The following PRRC2C variants were observed in gnomAD, a reference collection of about 807,000 sequenced individuals.
The protein encoded by PRRC2C is proline rich coiled-coil 2C, also known as protein PRRC2C.
A neutral mutation model predicts 317.2 loss-of-function variants in PRRC2C; 72 were observed. That is an observed-to-expected ratio of 0.23 (90% CI 0.19 to 0.28). PRRC2C has a LOEUF of 0.28. PRRC2C is among the 10% of genes least tolerant of loss of function. The pLI is 1.00. For synonymous variants in PRRC2C, 1,296 were observed against 1,205.9 expected, an observed-to-expected ratio of 1.07 and a Z score of -1.55; for missense variants, 3,074 against 3,459.7, an observed-to-expected ratio of 0.89 and a Z score of 2.80.
chr1:171,503,454 G>A (rs1669558359), intron 1 of PRRC2C, among the ~76,000 whole-genome samples: 1 of 151,932 alleles, frequency 6.6e-6, no homozygotes, highest in Non-Finnish European at 1.5e-5. Context: ...AACCCGGGAG[G>A]CGGAGGTTGC....
At chr1:171,525,049 A>G (rs1253800184) in intron 10 of PRRC2C, 84 bp downstream of exon 10, 12 of 1,145,638 alleles carry the variant, frequency 1.0e-5, no homozygotes, top group Non-Finnish European at 1.4e-5. Context: ...AATTATTCTT[A>G]CCACAGAGTG....
In PRRC2C at chr1:171,512,825, CTG is replaced by C. The variant is rs1168120175; in HGVS notation, c.113-169_113-168del. 1.9e-5 allele frequency: 11 copies of C among 569,408 alleles called. No individual in the cohort carries two copies. The African/African-American group carries it at 2.1e-4, about 11-fold the overall frequency. 35.3% of individuals were successfully genotyped at this position (569,408 alleles called of 1,614,324 possible). ...GCTGTTAAATGGCTTGATTTCTACA[CTG>C]AAATGTGTTGCAGGTGTGTAGCTTA... is the stretch of plus-strand genomic sequence containing the variant. On this transcript the variant is annotated intron_variant, in intron 2 of 34. Transcript: ENST00000647382.
Position 171,584,155 on chromosome 1 carries a change from G to C in PRRC2C, c.7609G>C (p.Gly2537Arg). 1 of 1,613,798 alleles carries C rather than the reference G, an allele frequency of 6.2e-7. No individual in the cohort carries two copies. Among genetic ancestry groups the C allele is most frequent in the Non-Finnish European group, 8.5e-7 (1 of 1,179,732 alleles). The part of the protein sequence containing the change: ...HQLGQASGLG[G>R]SQLIDTHLLQ... ...ACTGGGGCAGGCATCAGGACTAGGA[G>C]GTTCCCAGCTGATTGACACACATCT... Residue 2537 changes from glycine (G) to arginine (R), a missense_variant, in exon 29 of 35, where the codon GGT becomes CGT. Gly to Arg is a moderately radical substitution (Grantham distance 125). This residue lies in a region of PRRC2C where 490 missense variants were observed against 663.1 expected (regional missense o/e 0.74). Transcript: ENST00000647382.
chr1:171,547,668 C>T (rs1679406170), intron 17 of PRRC2C, among the ~76,000 whole-genome samples: 2 of 118,650 alleles, frequency 1.7e-5, no homozygotes, highest in Admixed American at 2.1e-4. Context: ...TTTTGAGACA[C>T]AGTCTTGCTC....
chr1:171,518,188 G>C (rs976745039), intron 6 of PRRC2C, among the ~76,000 whole-genome samples: 1 of 152,146 alleles, frequency 6.6e-6, no homozygotes, highest in Admixed American at 6.5e-5. Context: ...ATAATTATTA[G>C]ACCCATAGAT....
intron 1 of PRRC2C, among the ~76,000 whole-genome samples, chr1:171,488,942 TAAAAA>T (rs913297288): frequency 6.6e-6 from 1 of 152,280 alleles, no homozygotes; most frequent in East Asian, 1.9e-4. Flanking sequence ...CGTCTAGTAT[TAAAAA>T]AACTATTGGG....
Position 171,564,259 on chromosome 1 carries a change from A to G in PRRC2C, c.6118-1974A>G, listed in dbSNP as rs200068791. On this transcript the variant is annotated intron_variant, in intron 20 of 34. Coordinates refer to ENST00000647382, the MANE Select transcript of PRRC2C (RefSeq NM_001387844.1). ...CACCAACTAGCCTTACAAAGACTTG[A>G]TATTATAATATTGTCTAAGCTTTTA... Among the ~76,000 whole-genome samples, 3 of 152,258 alleles carry G rather than the reference A, an allele frequency of 2.0e-5. No individual in the cohort carries two copies. In the East Asian group the frequency reaches 5.8e-4, roughly 29 times the overall value.
chr1:171,486,853 C>T (rs1666224134), intron 1 of PRRC2C, among the ~76,000 whole-genome samples: 2 of 152,170 alleles, frequency 1.3e-5, no homozygotes, highest in Admixed American at 1.3e-4. Context: ...TTTTTCAAAA[C>T]TAGATTTCAC....
At chr1:171,507,483 C>A (rs574133300) in intron 1 of PRRC2C, among the ~76,000 whole-genome samples, 1 of 152,058 alleles carries the variant, frequency 6.6e-6, no homozygotes, top group African/African-American at 2.4e-5. Context: ...TGGTGGCAGA[C>A]GCCCGTAGTC....
chr1:171,545,438 G>C, intron 16 of PRRC2C, 41 bp from the exon 17 acceptor site: 1 of 1,503,692 alleles, frequency 6.7e-7, no homozygotes, highest in South Asian at 1.2e-5. Flanking sequence ...CTTTTGTTTG[G>C]GTAGGTGGAA....
chr1:171,486,205 T>G (rs987975028), intron 1 of PRRC2C, among the ~76,000 whole-genome samples: 1 of 146,372 alleles, frequency 6.8e-6, no homozygotes, highest in Non-Finnish European at 1.5e-5. Flanking sequence ...TCCTGTGTAG[T>G]GAGGGTGGGA....
At position 171,565,128 on chromosome 1, in the gene PRRC2C, G is replaced by C. The variant is rs745710194; in HGVS notation, c.6118-1105G>C. On this transcript the variant is annotated intron_variant, in intron 20 of 34. Transcript: ENST00000647382. ...CCTAGGTCACCTAATCTGCTTGTCTGTTTCTACAACTGTTCCCCATACCTG... is the reference window on the plus strand; with the variant it reads ...CCTAGGTCACCTAATCTGCTTGTCTCTTTCTACAACTGTTCCCCATACCTG... 2.0e-5 allele frequency among the ~76,000 whole-genome samples: 3 copies of C among 152,110 alleles called. 1 individual carries two copies. Among genetic ancestry groups the C allele is most frequent in the Non-Finnish European group, 4.4e-5 (3 of 68,012 alleles).
chr1:171,549,092 A>G (rs1339451525), intron 17 of PRRC2C, among the ~76,000 whole-genome samples: 2 of 152,236 alleles, frequency 1.3e-5, no homozygotes, highest in African/African-American at 4.8e-5. Flanking sequence ...ACTGTAGACA[A>G]GGGTCTACAT....
At chr1:171,583,073 A>C (rs1164526555) in intron 28 of PRRC2C, among the ~76,000 whole-genome samples, 2 of 152,066 alleles carry the variant, frequency 1.3e-5, no homozygotes, top group Non-Finnish European at 2.9e-5. Flanking sequence ...TCCTGAGCTC[A>C]AGCCATTGTC....
Position 171,532,972 on chromosome 1 carries a change from A to G in PRRC2C, c.1873+11A>G. ...ACAGCTGTAATAAAGGTTTGATAGT[A>G]TTCTTCATTCTCTTTTAAAAACTTT... On this transcript the variant is annotated intron_variant, in intron 12 of 34. Coordinates refer to ENST00000647382, the MANE Select transcript of PRRC2C (RefSeq NM_001387844.1). 1.3e-6 allele frequency: 2 copies of G among 1,521,092 alleles called. No homozygotes were observed. The highest frequency in any genetic ancestry group is 1.7e-6 in the Non-Finnish European group (2 of 1,144,266). 94.2% of individuals were successfully genotyped at this position (1,521,092 alleles called of 1,614,324 possible). A position where few individuals can be genotyped will look rare whatever the true frequency, so the allele number is the denominator to read the frequency against.
rs192072134 is a variant in PRRC2C, at chr1:171,574,179, T to C, written c.6754-748T>C. Among the ~76,000 whole-genome samples the C allele has an allele frequency of 4.9e-3, 742 of 152,202 alleles. 4 individuals carry two copies. Among genetic ancestry groups the C allele is most frequent in the African/African-American group, 0.017 (691 of 41,548 alleles). On this transcript the variant is annotated intron_variant, in intron 24 of 34. Coordinates refer to ENST00000647382, the MANE Select transcript of PRRC2C (RefSeq NM_001387844.1). ...ATTAAAAAAACTTATAAAATATCAATTTATGTTCATTAGTGTTTTAGTTAT... is the reference window on the plus strand; with the variant it reads ...ATTAAAAAAACTTATAAAATATCAACTTATGTTCATTAGTGTTTTAGTTAT...
At chr1:171,522,053 T>A (rs1480428096) in intron 6 of PRRC2C, 124 bp from the exon 7 acceptor site, 2 of 409,340 alleles carry the variant, frequency 4.9e-6, no homozygotes, top group Non-Finnish European at 8.5e-6. Context: ...AATAGTTTTA[T>A]TCACTTAAAT....
chr1:171,541,296 C>G lies in PRRC2C; in HGVS notation c.3830C>G (p.Ala1277Gly). ...ACAGACAGTGAAATTCATGAAAGTG[C>G]AAGTGACAAGGACAGTTTAAGTAAA... ...TDTDSEIHES[A>G]SDKDSLSKGK... Residue 1277 changes from alanine to glycine, a missense_variant, in exon 16 of 35, where the codon GCA becomes GGA. Transcript: ENST00000647382. This position sits in a 1 kb window ranked among gnomAD's most constrained non-coding sequence, Gnocchi z 4.1. The G allele has an allele frequency of 6.2e-7, 1 of 1,613,910 alleles. No individual in the cohort carries two copies. The highest frequency in any genetic ancestry group is 8.5e-7 in the Non-Finnish European group (1 of 1,179,882).
At chr1:171,506,885 T>C (rs1357724015) in intron 1 of PRRC2C, among the ~76,000 whole-genome samples, 1 of 152,174 alleles carries the variant, frequency 6.6e-6, no homozygotes, top group African/African-American at 2.4e-5. Flanking sequence ...AATCTTTAGC[T>C]TGTTGAACAT....
Sources: allele counts gnomAD v4.1 joint callset (sites outside exome capture counted in the v4.1 genomes callset), GRCh38; gene constraint gnomAD v4.1.1; regional missense constraint gnomAD v4.1.1; non-coding constraint Gnocchi (gnomAD v3.1); transcripts MANE v1.5; gene names NCBI Gene and HGNC (gene_info 2026-07-23, HGNC 2026-07-21).